Variants in RBM47 observed in about 807,000 individuals in gnomAD.
RBM47 encodes RNA-binding protein 47.
RBM47 carries 21 observed loss-of-function variants against 47.1 expected under a neutral mutation model. The ratio of observed to expected loss-of-function variants is 0.45; its 90% CI spans 0.32 to 0.64. The LOEUF (loss-of-function observed/expected upper bound fraction) is 0.64. Ranked by LOEUF, RBM47 falls within the 30% of genes least tolerant of loss-of-function variation. RBM47 has a pLI of 0.05. For synonymous variants in RBM47, 375 were observed against 361.7 expected, an observed-to-expected ratio of 1.04 and a Z score of -0.42; for missense variants, 708 against 870.9, an observed-to-expected ratio of 0.81 and a Z score of 2.35.
chr4:40,585,773 C>T (rs1042884486), intron 1 of RBM47, among the ~76,000 whole-genome samples: 13 of 152,176 alleles, frequency 8.5e-5, no homozygotes, highest in African/African-American at 2.4e-4. Flanking sequence ...CCATCAAGCA[C>T]GGCACATAGG....
At position 40,423,800 on chromosome 4, in the gene RBM47, T is replaced by C. The variant is rs558586985; in HGVS notation, c.*2104A>G. The C allele has an allele frequency of 6.6e-6, 1 of 152,608 alleles. No homozygotes were observed. The highest frequency in any genetic ancestry group is 2.1e-4 in the South Asian group (1 of 4,814). 9.5% of individuals were successfully genotyped at this position (152,608 alleles called of 1,614,324 possible). A position where few individuals can be genotyped will look rare whatever the true frequency, so the allele number is the denominator to read the frequency against. On this transcript the variant is annotated 3_prime_UTR_variant, in exon 7 of 7. Coordinates refer to ENST00000295971, the MANE Select transcript of RBM47 (RefSeq NM_001098634.2). ...AAAATACAGTAAGAATACTGGGTCA[T>C]AGTTTCATCCAGTGAAACTCTGTGA...
chr4:40,583,388 GAAAAAAAAAA>G (rs56371832), intron 1 of RBM47, among the ~76,000 whole-genome samples: 142 of 91,098 alleles, frequency 1.6e-3, no homozygotes, highest in African/African-American at 4.9e-3. Flanking sequence ...CTCCATCTCA[GAAAAAAAAAA>G]AAAAAAAAAA....
chr4:40,451,850 T>G (rs1017694691), intron 3 of RBM47, among the ~76,000 whole-genome samples: 54 of 152,022 alleles, frequency 3.6e-4, no homozygotes, highest in African/African-American at 1.2e-3. Flanking sequence ...TTCCTTGGAG[T>G]TCACAGTCTG....
At chr4:40,592,896 C>T (rs1461663375) in intron 1 of RBM47, among the ~76,000 whole-genome samples, 1 of 127,050 alleles carries the variant, frequency 7.9e-6, no homozygotes, top group Non-Finnish European at 1.6e-5. Flanking sequence ...GGTTTACTAA[C>T]GTCCTCATCC....
At chr4:40,564,037 C>G (rs1730870451) in intron 1 of RBM47, among the ~76,000 whole-genome samples, 1 of 152,140 alleles carries the variant, frequency 6.6e-6, no homozygotes, top group South Asian at 2.1e-4. Flanking sequence ...TAGCAAGACA[C>G]TATCTCTATT....
chr4:40,596,713 C>G (rs758726321), intron 1 of RBM47, among the ~76,000 whole-genome samples: 25 of 152,120 alleles, frequency 1.6e-4, no homozygotes, highest in Admixed American at 1.6e-3. Flanking sequence ...AAGCCCCACG[C>G]CTTGTGTATG....
chr4:40,507,702 C>T (rs1321136337), intron 2 of RBM47, among the ~76,000 whole-genome samples: 1 of 150,036 alleles, frequency 6.7e-6, no homozygotes, highest in East Asian at 2.0e-4. Context: ...CAAGGAATTA[C>T]TTGAACCTGG....
At chr4:40,595,457 G>A (rs746665145) in intron 1 of RBM47, among the ~76,000 whole-genome samples, 3 of 152,042 alleles carry the variant, frequency 2.0e-5, no homozygotes, top group Non-Finnish European at 2.9e-5. Context: ...TTGCACCACT[G>A]CATTCCAGCC....
At chr4:40,484,086 A>T (rs940941054) in intron 2 of RBM47, among the ~76,000 whole-genome samples, 1 of 152,264 alleles carries the variant, frequency 6.6e-6, no homozygotes, top group African/African-American at 2.4e-5. Context: ...GTAAAGGTTC[A>T]CAATATGTGA....
At chr4:40,609,769 C>T (rs1028035971) in intron 1 of RBM47, among the ~76,000 whole-genome samples, 1 of 152,104 alleles carries the variant, frequency 6.6e-6, no homozygotes, top group African/African-American at 2.4e-5. Context: ...TGGTAACTAA[C>T]TACCTGCTTT....
intron 3 of RBM47, among the ~76,000 whole-genome samples, chr4:40,458,857 T>C (rs1271521859): frequency 2.0e-5 from 3 of 152,090 alleles, no homozygotes; most frequent in Admixed American, 6.6e-5. Flanking sequence ...ACGGCGAAGG[T>C]TAAACTCTAA....
chr4:40,571,767 C>T (rs905272854), intron 1 of RBM47, among the ~76,000 whole-genome samples: 12 of 151,912 alleles, frequency 7.9e-5, no homozygotes, highest in African/African-American at 2.9e-4. Context: ...CGCCTGTAAT[C>T]CTAGTACTTT....
At chr4:40,447,295 C>T (rs1194310393) in intron 3 of RBM47, among the ~76,000 whole-genome samples, 2 of 152,168 alleles carry the variant, frequency 1.3e-5, no homozygotes, top group African/African-American at 4.8e-5. Context: ...AATATACCTT[C>T]AAATCAAGCT....
intron 3 of RBM47, among the ~76,000 whole-genome samples, chr4:40,441,987 T>C (rs969991618): frequency 6.6e-6 from 1 of 152,256 alleles, no homozygotes; most frequent in African/African-American, 2.4e-5. Flanking sequence ...AAGTTCACGA[T>C]TGATTTTTTT....
intron 2 of RBM47, among the ~76,000 whole-genome samples, chr4:40,471,324 T>G (rs926735140): frequency 2.0e-5 from 3 of 152,104 alleles, no homozygotes; most frequent in Non-Finnish European, 4.4e-5. Flanking sequence ...TACAGTAGAC[T>G]CCCAGCTGGC....
chr4:40,435,357 T>C (rs1712162405), intron 5 of RBM47, among the ~76,000 whole-genome samples: 1 of 152,114 alleles, frequency 6.6e-6, no homozygotes, highest in Non-Finnish European at 1.5e-5. Flanking sequence ...GAGAACAGCC[T>C]GGGCAATGTG....
intron 3 of RBM47, among the ~76,000 whole-genome samples, chr4:40,457,683 C>A (rs1390372343): frequency 2.6e-5 from 4 of 152,234 alleles, no homozygotes; most frequent in Admixed American, 6.5e-5. Flanking sequence ...GATCCACTGG[C>A]CTTAGCCTCC....
chr4:40,572,247 G>A (rs780243293), intron 1 of RBM47, among the ~76,000 whole-genome samples: 4 of 151,366 alleles, frequency 2.6e-5, no homozygotes, highest in South Asian at 4.2e-4. Flanking sequence ...GCTGGACCTC[G>A]TGGCATCCGC....
At chr4:40,580,081 C>T (rs1732737929) in intron 1 of RBM47, among the ~76,000 whole-genome samples, 1 of 152,022 alleles carries the variant, frequency 6.6e-6, no homozygotes, top group African/African-American at 2.4e-5. Context: ...TTTATAAATT[C>T]GAATTGGTCT....
Sources: gnomAD v4.1 joint callset for allele counts (sites outside exome capture counted in the v4.1 genomes callset) on GRCh38, gnomAD v4.1.1 for gene constraint, MANE v1.5 for transcripts, NCBI Gene and HGNC (gene_info 2026-07-23, HGNC 2026-07-21) for gene names.